CMSS1: variants seen among roughly 807,000 people sequenced by gnomAD.
CMSS1 encodes the protein cms1 ribosomal small subunit homolog, also known as protein CMSS1.
CMSS1 carries 33 observed loss-of-function variants against 43.5 expected under a neutral mutation model. The observed-to-expected ratio is 0.76, with a 90% CI of 0.57 to 1.01. The LOEUF is 1.01. Among genes scored for constraint, CMSS1 ranks in the 50% least tolerant of loss-of-function variants. CMSS1 has a pLI of 0.00. For missense variants in CMSS1, 313 were observed against 326.4 expected (o/e 0.96, Z 0.32); for synonymous variants, 115 against 117.2 (o/e 0.98, Z 0.12).
chr3:99,883,417 G>A (rs1157028090), intron 1 of CMSS1, among the ~76,000 whole-genome samples: 1 of 152,152 alleles, frequency 6.6e-6, no homozygotes, highest in African/African-American at 2.4e-5. Flanking sequence ...TTCACACCCT[G>A]TGTCCAAAAG....
At chr3:100,137,272 G>A (rs1180898287) in intron 1 of CMSS1, among the ~76,000 whole-genome samples, 3 of 152,210 alleles carry the variant, frequency 2.0e-5, no homozygotes, top group Non-Finnish European at 4.4e-5. Context: ...CCTTCCCAGA[G>A]AACAGCTGAT....
chr3:100,030,031 G>A (rs1453206179), intron 1 of CMSS1, among the ~76,000 whole-genome samples: 1 of 152,046 alleles, frequency 6.6e-6, no homozygotes, highest in Non-Finnish European at 1.5e-5. Context: ...AGCATGGAAT[G>A]GAAAGTATAG....
chr3:99,834,403 C>A (rs555717669), intron 1 of CMSS1, among the ~76,000 whole-genome samples: 1 of 152,144 alleles, frequency 6.6e-6, no homozygotes, highest in South Asian at 2.1e-4. Flanking sequence ...GTGGTTGTAC[C>A]TAGTCACCTC....
intron 1 of CMSS1, among the ~76,000 whole-genome samples, chr3:99,913,090 G>A (rs1179269694): frequency 6.6e-6 from 1 of 151,790 alleles, no homozygotes; most frequent in Admixed American, 6.6e-5. Flanking sequence ...ACAAGGAGAC[G>A]ACAGCGGTTT....
intron 1 of CMSS1, among the ~76,000 whole-genome samples, chr3:99,933,475 A>G (rs1707556027): frequency 6.6e-6 from 1 of 152,206 alleles, no homozygotes; most frequent in South Asian, 2.1e-4. Context: ...TTATAAAAAT[A>G]TTCATGTACT....
At chr3:99,995,831 C>T (rs531220370) in intron 1 of CMSS1, among the ~76,000 whole-genome samples, 1 of 152,296 alleles carries the variant, frequency 6.6e-6, no homozygotes, top group South Asian at 2.1e-4. Context: ...GCAGCTGGGA[C>T]ACAGGGCACC....
intron 1 of CMSS1, among the ~76,000 whole-genome samples, chr3:99,891,211 T>C (rs937521704): frequency 1.3e-5 from 2 of 152,128 alleles, no homozygotes; most frequent in Non-Finnish European, 2.9e-5. Context: ...CCTTTAGAGG[T>C]TGATTTTGTT....
intron 1 of CMSS1, among the ~76,000 whole-genome samples, chr3:100,062,906 T>C (rs544955432): frequency 2.6e-5 from 4 of 152,330 alleles, no homozygotes; most frequent in South Asian, 2.1e-4. Context: ...TCTAGTCTTA[T>C]AACCTTGAGC....
At chr3:100,140,665 T>C (rs1489279380) in intron 1 of CMSS1, among the ~76,000 whole-genome samples, 2 of 152,170 alleles carry the variant, frequency 1.3e-5, no homozygotes, top group Non-Finnish European at 2.9e-5. Context: ...TGTTCTTAAC[T>C]GTGAGAACTA....
chr3:99,912,417 C>T (rs1368997946), intron 1 of CMSS1, among the ~76,000 whole-genome samples: 1 of 152,128 alleles, frequency 6.6e-6, no homozygotes, highest in Non-Finnish European at 1.5e-5. Context: ...TGCTTTGTTT[C>T]CCAGGCTGGA....
At chr3:100,156,309 T>A (rs535800502) in intron 2 of CMSS1, among the ~76,000 whole-genome samples, 2 of 134,548 alleles carry the variant, frequency 1.5e-5, no homozygotes, top group Non-Finnish European at 3.2e-5. Flanking sequence ...CTTTTTTTTT[T>A]TTTTTTTTTT....
intron 1 of CMSS1, among the ~76,000 whole-genome samples, chr3:99,855,795 A>G (rs985447490): frequency 8.5e-5 from 13 of 152,316 alleles, no homozygotes; most frequent in Admixed American, 2.6e-4. Context: ...TCCTTTTCAC[A>G]TTTTTAACTG....
At chr3:100,161,215 A>G (rs2067020783) in intron 3 of CMSS1, among the ~76,000 whole-genome samples, 1 of 152,224 alleles carries the variant, frequency 6.6e-6, no homozygotes, top group African/African-American at 2.4e-5. Flanking sequence ...ACTCAAACCT[A>G]TTACTTAACA....
chr3:100,078,678 G>A (rs963231693), intron 1 of CMSS1, among the ~76,000 whole-genome samples: 8 of 152,120 alleles, frequency 5.3e-5, no homozygotes, highest in African/African-American at 1.7e-4. Flanking sequence ...ATCACTTGAA[G>A]TCAGGAGTTC....
At chr3:99,955,948 T>TA (rs1418314260) in intron 1 of CMSS1, among the ~76,000 whole-genome samples, 1 of 152,184 alleles carries the variant, frequency 6.6e-6, no homozygotes, top group Admixed American at 6.5e-5. Context: ...ACCACATTGT[T>TA]ATGACGTATT....
At chr3:100,116,511 CAAG>C (rs571365551) in intron 1 of CMSS1, among the ~76,000 whole-genome samples, 8 of 152,268 alleles carry the variant, frequency 5.3e-5, no homozygotes, top group African/African-American at 1.9e-4. Context: ...GCCATATCTT[CAAG>C]AAGACCTCCA....
intron 1 of CMSS1, among the ~76,000 whole-genome samples, chr3:99,957,311 A>G (rs1708347760): frequency 6.6e-6 from 1 of 152,232 alleles, no homozygotes; most frequent in Non-Finnish European, 1.5e-5. Context: ...TGATTTCCAC[A>G]TATTCTAAGC....
At chr3:100,139,529 ATGTGTGTGTGTGTGTGTGTGTGTG>A (rs201315535) in intron 1 of CMSS1, among the ~76,000 whole-genome samples, 4 of 129,296 alleles carry the variant, frequency 3.1e-5, no homozygotes, top group African/African-American at 1.2e-4. Context: ...TAAAAAAAAA[ATGTGTGTGTGTGTGTGTGTGTGTG>A]TGTGTGTGTG....
chr3:100,149,865 C>T (rs992383073), intron 2 of CMSS1, among the ~76,000 whole-genome samples: 3 of 152,322 alleles, frequency 2.0e-5, no homozygotes, highest in South Asian at 2.1e-4. Context: ...TTTGTCCCAG[C>T]TTGTGAGCTG....
Sources: allele counts gnomAD v4.1 joint callset (sites outside exome capture counted in the v4.1 genomes callset), GRCh38; gene constraint gnomAD v4.1.1; transcripts MANE v1.5; gene names NCBI Gene and HGNC (gene_info 2026-07-23, HGNC 2026-07-21).